The following PRELID2 variants were observed in gnomAD, a reference collection of about 807,000 sequenced individuals.
PRELID2 encodes PRELI domain-containing protein 2.
PRELID2 carries 25 observed loss-of-function variants against 28.4 expected under a neutral mutation model. That is an observed-to-expected ratio of 0.88 (90% confidence interval 0.64 to 1.23). PRELID2 has a LOEUF of 1.23. Ranked by LOEUF, PRELID2 falls within the 50% of genes most tolerant of loss-of-function variation. The pLI is 0.00. For missense variants in PRELID2, 201 were observed against 214.4 expected, an observed-to-expected ratio of 0.94 and a Z score of 0.39; for synonymous variants, 76 against 71.6, an observed-to-expected ratio of 1.06 and a Z score of -0.31.
At chr5:145,604,218 A>T (rs1274161528) in intron 1 of PRELID2, among the ~76,000 whole-genome samples, 1 of 152,022 alleles carries the variant, frequency 6.6e-6, no homozygotes, top group Admixed American at 6.6e-5. Flanking sequence ...TACCCAATAG[A>T]CAGATTTTTT....
the PRELID2 span, among the ~76,000 whole-genome samples, chr5:145,259,623 T>C: frequency 6.6e-6 from 1 of 152,240 alleles, no homozygotes; most frequent in Non-Finnish European, 1.5e-5. Context: ...TTTTCACTTT[T>C]GGAATGAGAA....
the PRELID2 span, among the ~76,000 whole-genome samples, chr5:145,357,148 C>A: frequency 6.6e-6 from 1 of 151,986 alleles, no homozygotes; most frequent in Admixed American, 6.6e-5. Context: ...TGACCTGCCC[C>A]TTCTCTCTAG....
At chr5:145,356,758 A>T in the PRELID2 span, among the ~76,000 whole-genome samples, 1 of 152,040 alleles carries the variant, frequency 6.6e-6, no homozygotes, top group Non-Finnish European at 1.5e-5. Flanking sequence ...TTTACATTCA[A>T]GGTTAATATT....
intron 1 of PRELID2, among the ~76,000 whole-genome samples, chr5:145,700,802 A>T (rs917328353): frequency 2.0e-5 from 3 of 152,190 alleles, no homozygotes; most frequent in African/African-American, 7.2e-5. Context: ...CACCTGCCAC[A>T]GTGTGTCCTA....
At chr5:145,332,891 C>T in the PRELID2 span, among the ~76,000 whole-genome samples, 1 of 152,178 alleles carries the variant, frequency 6.6e-6, no homozygotes, top group African/African-American at 2.4e-5. Context: ...GGCTTATCCT[C>T]ATCTTCATGG....
At chr5:145,683,532 C>T (rs1754978667) in intron 1 of PRELID2, among the ~76,000 whole-genome samples, 1 of 152,146 alleles carries the variant, frequency 6.6e-6, no homozygotes, top group Non-Finnish European at 1.5e-5. Flanking sequence ...CAGATGGCCA[C>T]CTTCTCGCTA....
At chr5:145,514,815 C>T (rs555541872) in intron 1 of PRELID2, among the ~76,000 whole-genome samples, 2 of 152,110 alleles carry the variant, frequency 1.3e-5, no homozygotes, top group African/African-American at 4.8e-5. Context: ...AGTCTTAGAC[C>T]ACAGTGCAAT....
intron 1 of PRELID2, among the ~76,000 whole-genome samples, chr5:145,473,903 T>C (rs1032675526): frequency 1.3e-5 from 2 of 152,176 alleles, no homozygotes; most frequent in Non-Finnish European, 2.9e-5. Flanking sequence ...GTGTAAAATA[T>C]TCAGTGAGCA....
At chr5:145,531,775 T>C (rs967389442) in intron 1 of PRELID2, among the ~76,000 whole-genome samples, 14 of 152,164 alleles carry the variant, frequency 9.2e-5, no homozygotes, top group African/African-American at 3.4e-4. Flanking sequence ...AGAATAAGTG[T>C]AAATACCTGC....
intron 1 of PRELID2, among the ~76,000 whole-genome samples, chr5:145,549,123 T>TC (rs1241109450): frequency 9.9e-5 from 15 of 152,188 alleles, no homozygotes; most frequent in Non-Finnish European, 1.8e-4. Context: ...TGTGCACCCC[T>TC]CTAGTGTGCT....
the PRELID2 span, among the ~76,000 whole-genome samples, chr5:145,383,992 T>C: frequency 6.6e-6 from 1 of 152,030 alleles, no homozygotes; most frequent in Non-Finnish European, 1.5e-5. Context: ...CACAAACAAT[T>C]CAATTTAAAA....
rs10591669 is a variant in PRELID2 at position 145,696,156 on chromosome 5, CTTTTTTTTT to C, written n.70+68766_70+68774del. Reference sequence around the variant, plus strand: ...GCACATAGTGAGCAATAAATAATAGCTTTTTTTTTTTTTTTTTTTTTTTTTACCAGTGTT... The same window carrying C: ...GCACATAGTGAGCAATAAATAATAGCTTTTTTTTTTTTTTTTACCAGTGTT... On this transcript the variant is annotated intron_variant and non_coding_transcript_variant, in intron 1 of 2. Transcript: ENST00000510259. Among the ~76,000 whole-genome samples the C allele has an allele frequency of 1.7e-4, 10 of 60,010 alleles. 1 individual carries two copies. Among genetic ancestry groups the C allele is most frequent in the African/African-American group, 4.9e-4 (10 of 20,266 alleles). The allele number at this position is 60,010 out of a possible 152,430, so 39.4% of individuals were successfully genotyped here.
the PRELID2 span, among the ~76,000 whole-genome samples, chr5:145,283,537 C>T: frequency 3.3e-5 from 5 of 152,040 alleles, no homozygotes; most frequent in African/African-American, 4.8e-5. Context: ...TTTGCTGGCC[C>T]ATTTTATTCA....
the PRELID2 span, among the ~76,000 whole-genome samples, chr5:145,274,245 G>A: frequency 6.6e-6 from 1 of 152,246 alleles, no homozygotes; most frequent in African/African-American, 2.4e-5. Context: ...ATAGAATGGT[G>A]TATGATCCCT....
chr5:145,510,122 C>G (rs1752448695), intron 1 of PRELID2, among the ~76,000 whole-genome samples: 1 of 152,114 alleles, frequency 6.6e-6, no homozygotes, highest in South Asian at 2.1e-4. Flanking sequence ...AATAAATGCT[C>G]TACATAAAAT....
At chr5:145,373,069 T>TG in the PRELID2 span, among the ~76,000 whole-genome samples, 33,897 of 65,330 alleles carry the variant, frequency 0.52, 9,712 homozygotes, top group East Asian at 0.79. Context: ...TAATATATGA[T>TG]ATATATTACA....
chr5:145,784,884 T>C (rs1398360605), intron 5 of PRELID2, among the ~76,000 whole-genome samples: 3 of 151,654 alleles, frequency 2.0e-5, no homozygotes, highest in Non-Finnish European at 4.4e-5. Context: ...GTGAATACAC[T>C]GAGTATTAGA....
At chr5:145,605,246 C>T (rs945202864) in intron 1 of PRELID2, among the ~76,000 whole-genome samples, 3 of 151,810 alleles carry the variant, frequency 2.0e-5, no homozygotes, top group Admixed American at 6.6e-5. Context: ...AAATATTTTC[C>T]AGGTCCTTTG....
the PRELID2 span, among the ~76,000 whole-genome samples, chr5:145,412,399 A>G: frequency 6.6e-6 from 1 of 152,212 alleles, no homozygotes; most frequent in Non-Finnish European, 1.5e-5. Flanking sequence ...GTCTCTTTGC[A>G]TAGCAAGAAT....
Sources: allele counts gnomAD v4.1 joint callset (sites outside exome capture counted in the v4.1 genomes callset), GRCh38; gene constraint gnomAD v4.1.1; transcripts MANE v1.5; gene names NCBI Gene and HGNC (gene_info 2026-07-23, HGNC 2026-07-21).